PARD3: variants seen among roughly 807,000 people sequenced by gnomAD.
PARD3 encodes par-3 family cell polarity regulator, also known as partitioning defective 3 homolog.
PARD3 carries 75 observed loss-of-function variants against 155.4 expected under a neutral mutation model. The ratio of observed to expected loss-of-function variants is 0.48; its 90% CI spans 0.40 to 0.58. The LOEUF (loss-of-function observed/expected upper bound fraction) is 0.58, where lower values mean the gene tolerates loss of function less well. PARD3 is among the 20% of genes least tolerant of loss of function. PARD3 has a pLI of 0.00. For missense variants in PARD3, 1,642 were observed against 1,721.7 expected, an observed-to-expected ratio of 0.95 and a Z score of 0.82; for synonymous variants, 576 against 610.5, an observed-to-expected ratio of 0.94 and a Z score of 0.83.
intron 1 of PARD3, among the ~76,000 whole-genome samples, chr10:34,741,436 C>T (rs1011448630): frequency 3.3e-5 from 5 of 152,112 alleles, no homozygotes; most frequent in Admixed American, 6.6e-5. Context: ...CCTCCTGCCT[C>T]AGCCTCCAAA....
At chr10:34,304,439 A>T (rs1350803758) in intron 20 of PARD3, among the ~76,000 whole-genome samples, 1 of 152,202 alleles carries the variant, frequency 6.6e-6, no homozygotes, top group African/African-American at 2.4e-5. Context: ...GGTTCAAAAA[A>T]TACTAACTTC....
intron 14 of PARD3, among the ~76,000 whole-genome samples, chr10:34,352,394 G>A (rs377056180): frequency 1.8e-4 from 28 of 152,080 alleles, no homozygotes; most frequent in African/African-American, 1.2e-4. Flanking sequence ...CTCTGATGCC[G>A]AGCCGAGGCT....
At chr10:34,464,116 C>T (rs2077856281) in intron 4 of PARD3, among the ~76,000 whole-genome samples, 1 of 111,972 alleles carries the variant, frequency 8.9e-6, no homozygotes, top group African/African-American at 4.1e-5. Flanking sequence ...CGAGGTCCTG[C>T]GGGAAAAAAA....
intron 22 of PARD3, among the ~76,000 whole-genome samples, chr10:34,138,826 A>C (rs186073378): frequency 5.5e-4 from 84 of 152,264 alleles, no homozygotes; most frequent in African/African-American, 1.8e-3. Flanking sequence ...AATGCTAGTG[A>C]ATTTCACACC....
chr10:34,776,775 A>G (rs1839581973), intron 1 of PARD3, among the ~76,000 whole-genome samples: 1 of 150,352 alleles, frequency 6.7e-6, no homozygotes. Flanking sequence ...GTGGAAAAAG[A>G]AAACAAAAAA....
At chr10:34,507,802 A>G (rs868408718) in intron 3 of PARD3, among the ~76,000 whole-genome samples, 2 of 152,232 alleles carry the variant, frequency 1.3e-5, no homozygotes, top group African/African-American at 2.4e-5. Context: ...CATCTACAAC[A>G]AAACTGGATG....
intron 1 of PARD3, among the ~76,000 whole-genome samples, chr10:34,773,014 C>T (rs181898516): frequency 1.2e-3 from 188 of 152,204 alleles, no homozygotes; most frequent in African/African-American, 4.3e-3. Context: ...AGCAAATGAG[C>T]AGTTTGTAGA....
chr10:34,140,642 C>G (rs1948139630), intron 22 of PARD3, among the ~76,000 whole-genome samples: 1 of 152,136 alleles, frequency 6.6e-6, no homozygotes, highest in Non-Finnish European at 1.5e-5. Context: ...AGGGTTAAAC[C>G]AAGAAATGTA....
At chr10:34,656,642 T>C (rs1435909512) in intron 2 of PARD3, among the ~76,000 whole-genome samples, 3 of 152,234 alleles carry the variant, frequency 2.0e-5, no homozygotes, top group Admixed American at 2.0e-4. Flanking sequence ...AAAAGCTTCC[T>C]AATGACAATA....
At chr10:34,425,924 A>T (rs559434629) in intron 5 of PARD3, among the ~76,000 whole-genome samples, 4 of 152,138 alleles carry the variant, frequency 2.6e-5, no homozygotes, top group Non-Finnish European at 4.4e-5. Context: ...ACATCCACCT[A>T]TATTACTTCA....
At chr10:34,629,391 T>C (rs2092145391) in intron 2 of PARD3, among the ~76,000 whole-genome samples, 1 of 152,170 alleles carries the variant, frequency 6.6e-6, no homozygotes, top group Non-Finnish European at 1.5e-5. Context: ...TGTACAAAAG[T>C]AGTGATCCAA....
intron 20 of PARD3, chr10:34,312,307 G>A (rs1172551948): frequency 6.2e-7 from 1 of 1,606,318 alleles, no homozygotes; most frequent in African/African-American, 1.3e-5. Context: ...AACAACAACT[G>A]TGCAATATGT....
chr10:34,250,914 G>C (rs886510401), intron 22 of PARD3, among the ~76,000 whole-genome samples: 4 of 152,154 alleles, frequency 2.6e-5, no homozygotes, highest in Non-Finnish European at 5.9e-5. Flanking sequence ...TTAAGAGTGA[G>C]AATTACCCAG....
intron 1 of PARD3, among the ~76,000 whole-genome samples, chr10:34,765,734 G>A (rs1282464627): frequency 2.6e-4 from 40 of 152,030 alleles, no homozygotes; most frequent in Admixed American, 2.6e-3. Flanking sequence ...CAGTGATATC[G>A]TTAAGCGCTT....
intron 7 of PARD3, among the ~76,000 whole-genome samples, chr10:34,392,386 T>C (rs1013475895): frequency 2.0e-5 from 3 of 152,024 alleles, no homozygotes; most frequent in East Asian, 1.9e-4. Flanking sequence ...GATAAACAGA[T>C]GAAAAAAATT....
chr10:34,561,751 C>T (rs1350027536), intron 2 of PARD3, among the ~76,000 whole-genome samples: 2 of 151,738 alleles, frequency 1.3e-5, no homozygotes, highest in Non-Finnish European at 2.9e-5. Flanking sequence ...CTCCCAATCT[C>T]AGGTGATCCG....
At chr10:34,678,969 C>T (rs1241761676) in intron 2 of PARD3, among the ~76,000 whole-genome samples, 1 of 152,080 alleles carries the variant, frequency 6.6e-6, no homozygotes, top group Non-Finnish European at 1.5e-5. Flanking sequence ...AGTAATACCT[C>T]TTTGCAGGTT....
intron 24 of PARD3, among the ~76,000 whole-genome samples, chr10:34,117,669 TG>T (rs529487599): frequency 1.3e-5 from 2 of 152,108 alleles, no homozygotes; most frequent in Non-Finnish European, 2.9e-5. Context: ...CCCAGCACTT[TG>T]GGGGGCTAAG....
intron 5 of PARD3, among the ~76,000 whole-genome samples, chr10:34,406,094 G>A (rs764087359): frequency 7.2e-5 from 11 of 152,170 alleles, no homozygotes; most frequent in Non-Finnish European, 1.6e-4. Context: ...TCAAAGGATT[G>A]ACAAATGATG....
Sources: allele counts gnomAD v4.1 joint callset (sites outside exome capture counted in the v4.1 genomes callset), GRCh38; gene constraint gnomAD v4.1.1; transcripts MANE v1.5; gene names NCBI Gene and HGNC (gene_info 2026-07-23, HGNC 2026-07-21).